The following NT5C3A variants were observed in gnomAD, a reference collection of about 807,000 sequenced individuals.
NT5C3A encodes 5'-nucleotidase, cytosolic IIIA, also known as cytosolic 5'-nucleotidase 3A.
A neutral mutation model predicts 40.0 loss-of-function variants in NT5C3A; 23 were observed. That is an observed-to-expected ratio of 0.58 (90% CI 0.41 to 0.81). The LOEUF (loss-of-function observed/expected upper bound fraction) is 0.81, where lower values mean the gene tolerates loss of function less well. NT5C3A is among the 40% of genes least tolerant of loss of function. NT5C3A has a pLI of 0.00. For synonymous variants in NT5C3A, 130 were observed against 141.4 expected, an observed-to-expected ratio of 0.92 and a Z score of 0.57; for missense variants, 328 against 403.0, an observed-to-expected ratio of 0.81 and a Z score of 1.59.
At chr7:33,036,235 T>C (rs1583936902) in intron 1 of NT5C3A, 1 of 499,744 alleles carries the variant, frequency 2.0e-6, no homozygotes, top group Non-Finnish European at 3.6e-6. Flanking sequence ...ATGAAACCTA[T>C]GTCCTTTGCA....
intron 1 of NT5C3A, among the ~76,000 whole-genome samples, chr7:33,057,429 G>A (rs1787614439): frequency 6.6e-6 from 1 of 152,130 alleles, no homozygotes; most frequent in Non-Finnish European, 1.5e-5. Flanking sequence ...AGGCGAGATG[G>A]GAGGATGGCT....
At position 33,062,655 on chromosome 7, in the gene NT5C3A, C is replaced by T. The variant is rs565403321; in HGVS notation, c.51G>A (p.Val17=). The change falls in exon 1 of 9, where the codon GTG becomes GTA. Residue 17 remains valine (V), a synonymous_variant. Coordinates refer to ENST00000610140, the MANE Select transcript of NT5C3A (RefSeq NM_001002010.5). ...GCACCACCCCCGCCACCAGGGCGCACACGCTGGCGCTCGCTACCGCGCCCA... is the reference window on the plus strand; with the variant it reads ...GCACCACCCCCGCCACCAGGGCGCATACGCTGGCGCTCGCTACCGCGCCCA... The part of the protein sequence containing the change: ...ARVGAVASAS[V]CALVAGVVLA... 3.5e-5 allele frequency: 56 copies of T among 1,593,204 alleles called. 1 individual carries two copies. In the Middle Eastern group the frequency reaches 6.0e-4, roughly 17 times the overall value.
intron 1 of NT5C3A, chr7:33,041,230 T>C (rs1293691223): frequency 1.8e-5 from 12 of 657,402 alleles, no homozygotes; most frequent in Non-Finnish European, 2.1e-5. Flanking sequence ...GGTTTGTCAG[T>C]GTACTTCTGA....
intron 1 of NT5C3A, chr7:33,041,158 A>G (rs994359574): frequency 1.0e-6 from 1 of 984,614 alleles, no homozygotes; most frequent in South Asian, 4.7e-5. Flanking sequence ...CTGGCTCTGG[A>G]AAGAAAAGAG....
Position 33,045,150 on chromosome 7 carries a change from A to G in NT5C3A, c.138+17418T>C, listed in dbSNP as rs145193961. On this transcript the variant is annotated intron_variant, in intron 1 of 8. Transcript: ENST00000610140. Reference sequence around the variant, plus strand: ...ATGAAGCTGCCATATACGGAAGACAATTTAGTAGAAGATGAGATGCAATAG... The same window carrying G: ...ATGAAGCTGCCATATACGGAAGACAGTTTAGTAGAAGATGAGATGCAATAG... Among the ~76,000 whole-genome samples, 734 of 152,354 alleles carry G rather than the reference A, an allele frequency of 4.8e-3. 7 individuals are homozygous for G. The highest frequency in any genetic ancestry group is 0.014 in the African/African-American group (571 of 41,578).
At chr7:33,057,003 G>A (rs1168476754) in intron 1 of NT5C3A, among the ~76,000 whole-genome samples, 3 of 151,980 alleles carry the variant, frequency 2.0e-5, no homozygotes, top group African/African-American at 7.2e-5. Flanking sequence ...AGTAGAGATG[G>A]GGTTTCTCCA....
intron 1 of NT5C3A, among the ~76,000 whole-genome samples, chr7:33,041,666 TTC>T (rs573838388): frequency 1.6e-3 from 247 of 152,300 alleles, no homozygotes; most frequent in African/African-American, 5.0e-3. Flanking sequence ...AAAAATTAAT[TTC>T]TGTTTTTAAA....
intron 1 of NT5C3A, among the ~76,000 whole-genome samples, chr7:33,029,925 G>A (rs1786153791): frequency 6.6e-6 from 1 of 152,184 alleles, no homozygotes. Flanking sequence ...AAAGGCATTG[G>A]TGGCTCCTGT....
In NT5C3A at chr7:33,014,635, G is replaced by A; in HGVS notation, c.*95C>T. ...GTTATACAAAGGGAACACTTCGAGA[G>A]TAAGGATATATTATAAATAAGTCTC... is the stretch of plus-strand genomic sequence containing the variant. On this transcript the variant is annotated 3_prime_UTR_variant, in exon 9 of 9. Transcript: ENST00000610140. The A allele has an allele frequency of 1.3e-6, 2 of 1,544,104 alleles. No homozygotes were observed. The highest frequency in any genetic ancestry group is 2.3e-5 in the South Asian group (2 of 86,616).
At chr7:33,060,585 T>C (rs1311204086) in intron 1 of NT5C3A, among the ~76,000 whole-genome samples, 1 of 152,164 alleles carries the variant, frequency 6.6e-6, no homozygotes, top group Non-Finnish European at 1.5e-5. Flanking sequence ...AGACAATGCA[T>C]CATTTTGACC....
Position 33,022,209 on chromosome 7 carries a change from C to T in NT5C3A, c.308-110G>A, listed in dbSNP as rs1231878112. ...GGCAAAAAACTCAATTACTTTTGCA[C>T]CAACCCAATACTTTTAAGTAATGCC... is the stretch of plus-strand genomic sequence containing the variant. On this transcript the variant is annotated intron_variant, in intron 3 of 8. Coordinates refer to ENST00000610140, the MANE Select transcript of NT5C3A (RefSeq NM_001002010.5). 3.8e-5 allele frequency: 26 copies of T among 682,400 alleles called. 1 individual carries two copies. Among genetic ancestry groups the T allele is most frequent in the South Asian group, 3.4e-4 (22 of 63,904 alleles). The allele number at this position is 682,400 out of a possible 1,614,324, so 42.3% of individuals were successfully genotyped here.
chr7:33,015,592 G>T, intron 8 of NT5C3A, 78 bp downstream of exon 8: 5 of 922,124 alleles, frequency 5.4e-6, no homozygotes, highest in Admixed American at 2.1e-5. Flanking sequence ...TACTTTCTCA[G>T]GTGACTATGG....
In NT5C3A at chr7:33,014,575, C is replaced by T; in HGVS notation, c.*155G>A. The T allele has an allele frequency of 9.4e-7, 1 of 1,066,912 alleles. No individual in the cohort carries two copies. The highest frequency in any genetic ancestry group is 1.4e-6 in the Non-Finnish European group (1 of 729,098). The allele number at this position is 1,066,912 out of a possible 1,614,324, so 66.1% of individuals were successfully genotyped here. A position where few individuals can be genotyped will look rare whatever the true frequency, so the allele number is the denominator to read the frequency against. ...GAGAGAGGTGGAGAAAAGGAGCTTC[C>T]AGTCAATGCATTCACCATATCTGAA... On this transcript the variant is annotated 3_prime_UTR_variant, in exon 9 of 9. Coordinates refer to ENST00000610140, the MANE Select transcript of NT5C3A (RefSeq NM_001002010.5).
chr7:33,057,453 T>C (rs968467828), intron 1 of NT5C3A, among the ~76,000 whole-genome samples: 1 of 152,060 alleles, frequency 6.6e-6, no homozygotes, highest in Non-Finnish European at 1.5e-5. Flanking sequence ...GCCCAGGAGG[T>C]GGAGGTTGCA....
rs72555729 is a variant in NT5C3A, at chr7:33,041,047, C to T, written c.139-14132G>A. ...TTATATATGCTCTTGGTTACAGCCT[C>T]GCTAGCTCTGAGCTAGTCACAAGTC... On this transcript the variant is annotated intron_variant, in intron 1 of 8. Coordinates refer to ENST00000610140, the MANE Select transcript of NT5C3A (RefSeq NM_001002010.5). 2.8e-3 allele frequency: 2,773 copies of T among 985,366 alleles called. 55 individuals carry two copies. In the African/African-American group the frequency reaches 0.045, roughly 16 times the overall value. The allele number at this position is 985,366 out of a possible 1,614,324, so 61.0% of individuals were successfully genotyped here. A position where few individuals can be genotyped will look rare whatever the true frequency, so the allele number is the denominator to read the frequency against.
chr7:33,017,589 C>G lies in NT5C3A; in HGVS notation c.543G>C (p.Glu181Asp). 2 of 1,613,304 alleles carry G rather than the reference C, an allele frequency of 1.2e-6. No homozygotes were observed. Among genetic ancestry groups the G allele is most frequent in the South Asian group, 1.1e-5 (1 of 91,068 alleles). Reference protein sequence around the residue: ...ESDVMLKEGYENFFDKLQQHS... With the variant: ...ESDVMLKEGYDNFFDKLQQHS... ...GTTGTTGGAGCTTATCAAAGAAATT[C>G]TCATATCCTTCTCTGTAAGATGGAG... Residue 181 changes from glutamate to aspartate, a missense_variant, in exon 7 of 9, where the codon GAG becomes GAC. This residue lies in a region of NT5C3A where 280 missense variants were observed against 317.2 expected (regional missense o/e 0.88). Coordinates refer to ENST00000610140, the MANE Select transcript of NT5C3A (RefSeq NM_001002010.5).
At chr7:33,015,243 C>A (rs1009774651) in intron 8 of NT5C3A, among the ~76,000 whole-genome samples, 3 of 152,092 alleles carry the variant, frequency 2.0e-5, no homozygotes, top group Non-Finnish European at 2.9e-5. Context: ...TAAACATCAC[C>A]AGTATAAAGA....
intron 1 of NT5C3A, 83 bp downstream of exon 1, chr7:33,062,485 C>T: frequency 2.3e-6 from 3 of 1,279,816 alleles, no homozygotes; most frequent in Non-Finnish European, 2.2e-6. Flanking sequence ...GACCGAACAG[C>T]GGCCCAGCAC....
chr7:33,046,081 T>C (rs992853304), intron 1 of NT5C3A: 5 of 152,270 alleles, frequency 3.3e-5, no homozygotes, highest in African/African-American at 9.6e-5. Flanking sequence ...GCTAGGCCAG[T>C]ACGCCCAGCC....
Sources: allele counts gnomAD v4.1 joint callset (sites outside exome capture counted in the v4.1 genomes callset), GRCh38; gene constraint gnomAD v4.1.1; regional missense constraint gnomAD v4.1.1; transcripts MANE v1.5; gene names NCBI Gene and HGNC (gene_info 2026-07-23, HGNC 2026-07-21).